The following FBXO31 variants were observed in gnomAD, a reference collection of about 807,000 sequenced individuals.
FBXO31 encodes the protein F-box only protein 31.
Under a neutral mutation model 54.4 loss-of-function variants are expected in FBXO31, and 24 were observed. The observed-to-expected ratio is 0.44, with a 90% CI of 0.32 to 0.62. The LOEUF is 0.62. FBXO31 is among the 20% of genes least tolerant of loss of function. The pLI, the probability that FBXO31 is intolerant of heterozygous loss-of-function variation, is 0.05. For synonymous variants in FBXO31, 388 were observed against 335.6 expected (o/e 1.16, Z -1.71); for missense variants, 665 against 787.1 (o/e 0.84, Z 1.86).
intron 2 of FBXO31, among the ~76,000 whole-genome samples, chr16:87,357,796 G>A (rs1003679064): frequency 2.0e-5 from 3 of 152,082 alleles, no homozygotes; most frequent in Non-Finnish European, 4.4e-5. Flanking sequence ...TGCTGGGCAT[G>A]GTGGTGTATG....
chr16:87,381,561 T>C (rs981620226), intron 1 of FBXO31, among the ~76,000 whole-genome samples: 5 of 152,214 alleles, frequency 3.3e-5, no homozygotes, highest in African/African-American at 1.2e-4. Context: ...ATCAGGGGCC[T>C]CGACCATTAA....
At chr16:87,348,700 C>T (rs1430532894) in intron 2 of FBXO31, among the ~76,000 whole-genome samples, 2 of 152,194 alleles carry the variant, frequency 1.3e-5, no homozygotes, top group African/African-American at 2.4e-5. Flanking sequence ...GGGCCCCTAA[C>T]GGTGGGACAG....
intron 7 of FBXO31, 135 bp from the exon 8 acceptor site, chr16:87,334,421 C>A: frequency 2.6e-6 from 2 of 761,494 alleles, no homozygotes; most frequent in Non-Finnish European, 4.1e-6. Flanking sequence ...ACGTCCCTTA[C>A]AGAAGAAGAA....
chr16:87,346,709 C>T lies in FBXO31; in HGVS notation c.489+465G>A, dbSNP rs1021026525. On this transcript the variant is annotated intron_variant, in intron 3 of 8. Transcript: ENST00000311635. This position sits in a 1 kb window ranked among gnomAD's most constrained non-coding sequence, Gnocchi z 4.2. ...TCAACAAAGTCAGAGCAGGGCTTTCCGTTCGAGAGGCTCCAGTAGGAGGGC... is the reference window on the plus strand; with the variant it reads ...TCAACAAAGTCAGAGCAGGGCTTTCTGTTCGAGAGGCTCCAGTAGGAGGGC... Among the ~76,000 whole-genome samples, 2 of 152,172 alleles carry T rather than the reference C, an allele frequency of 1.3e-5. No individual in the cohort carries two copies. Among genetic ancestry groups the T allele is most frequent in the African/African-American group, 4.8e-5 (2 of 41,444 alleles).
At chr16:87,372,318 A>C (rs1015345626) in intron 1 of FBXO31, among the ~76,000 whole-genome samples, 3 of 152,150 alleles carry the variant, frequency 2.0e-5, no homozygotes, top group Non-Finnish European at 2.9e-5. Context: ...ATGATATTCA[A>C]CTTGCAAAAA....
chr16:87,334,954 C>T (rs1044455610), intron 7 of FBXO31, among the ~76,000 whole-genome samples: 2 of 152,178 alleles, frequency 1.3e-5, no homozygotes, highest in African/African-American at 4.8e-5. Context: ...CTGGAGGGGC[C>T]CCTTTCCCAG....
intron 1 of FBXO31, among the ~76,000 whole-genome samples, chr16:87,362,227 G>A (rs1481603266): frequency 6.6e-6 from 1 of 151,868 alleles, no homozygotes. Context: ...AATTAAACAG[G>A]TAAAATTCAT....
intron 2 of FBXO31, among the ~76,000 whole-genome samples, chr16:87,354,188 A>G (rs922997758): frequency 2.0e-5 from 3 of 152,252 alleles, no homozygotes; most frequent in African/African-American, 7.2e-5. Flanking sequence ...AGTACAGAAC[A>G]TTGTCCAGGC....
rs186973160 is a variant in FBXO31, at chr16:87,346,742, G to A, written c.489+432C>T. 2.6e-5 allele frequency among the ~76,000 whole-genome samples: 4 copies of A among 152,352 alleles called. No individual in the cohort carries two copies. The highest frequency in any genetic ancestry group is 2.0e-4 in the Admixed American group (3 of 15,310). On this transcript the variant is annotated intron_variant, in intron 3 of 8. Coordinates refer to ENST00000311635, the MANE Select transcript of FBXO31 (RefSeq NM_024735.5). The surrounding 1 kb of genome is among the most constrained non-coding windows in gnomAD (Gnocchi z 4.2). ...AGGCTCCAGTAGGAGGGCACAGGGG[G>A]CGGGAGGCAGGGTGGTCAGAGCGGG... is the stretch of plus-strand genomic sequence containing the variant.
intron 1 of FBXO31, among the ~76,000 whole-genome samples, chr16:87,380,256 C>T (rs1329211094): frequency 6.8e-6 from 1 of 147,356 alleles, no homozygotes; most frequent in Non-Finnish European, 1.5e-5. Flanking sequence ...CAAGAATGCA[C>T]CACTGCACTC....
Position 87,383,526 on chromosome 16 carries a change from C to T in FBXO31, c.219G>A (p.Glu73=). ...PRCSLLELPP[E]LLVEIFASLP... The stretch of plus-strand genomic sequence containing the variant: ...GCGACGCGAAGATCTCCACCAGCAG[C>T]TCGGGCGGCAGCTCCAGCAGCGAGC... The change falls in exon 1 of 9, where the codon GAG becomes GAA. Residue 73 remains glutamate (E), a synonymous_variant. Transcript: ENST00000311635. This position sits in a 1 kb window ranked among gnomAD's most constrained non-coding sequence, Gnocchi z 4.9. The T allele has an allele frequency of 6.3e-7, 1 of 1,581,908 alleles. No homozygotes were observed. The highest frequency in any genetic ancestry group is 8.6e-7 in the Non-Finnish European group (1 of 1,168,578).
intron 8 of FBXO31, among the ~76,000 whole-genome samples, chr16:87,331,889 T>C (rs1904872983): frequency 6.6e-6 from 1 of 152,196 alleles, no homozygotes; most frequent in South Asian, 2.1e-4. Flanking sequence ...AAAACACACA[T>C]TTCATAAAGG....
intron 1 of FBXO31, among the ~76,000 whole-genome samples, chr16:87,362,273 T>C (rs1449673689): frequency 1.3e-5 from 2 of 152,218 alleles, no homozygotes; most frequent in African/African-American, 4.8e-5. Flanking sequence ...AACTAATTAT[T>C]ATCTTTTCAA....
chr16:87,353,254 TGTA>T, intron 2 of FBXO31, among the ~76,000 whole-genome samples: 1 of 152,212 alleles, frequency 6.6e-6, no homozygotes. Flanking sequence ...GAACCCGCCT[TGTA>T]CAAAGACCCT....
In FBXO31 at chr16:87,338,669, C is replaced by G. The variant is rs11647079; in HGVS notation, c.733-2405G>C. 0.3 allele frequency among the ~76,000 whole-genome samples: 45,882 copies of G among 151,992 alleles called. 7,606 individuals are homozygous for G. The highest frequency in any genetic ancestry group is 0.39 in the Non-Finnish European group (26,277 of 67,944). ...AGCCTGGGTACAAGGAATGGCCTCC[C>G]GGGGTGGGGGTGACCCACACAGAGA... On this transcript the variant is annotated intron_variant, in intron 5 of 8. Transcript: ENST00000311635. This position sits in a 1 kb window ranked among gnomAD's most constrained non-coding sequence, Gnocchi z 4.3.
chr16:87,331,887 C>T (rs1904872793), intron 8 of FBXO31, among the ~76,000 whole-genome samples: 1 of 152,232 alleles, frequency 6.6e-6, no homozygotes, highest in Non-Finnish European at 1.5e-5. Flanking sequence ...CCAAAACACA[C>T]ATTTCATAAA....
chr16:87,334,407 A>G, intron 7 of FBXO31, 121 bp from the exon 8 acceptor site: 1 of 861,672 alleles, frequency 1.2e-6, no homozygotes, highest in South Asian at 1.7e-5. Flanking sequence ...CTACTGACTT[A>G]GCAACGTCCC....
At position 87,331,400 on chromosome 16, in the gene FBXO31, A is replaced by C; in HGVS notation, c.1508T>G (p.Leu503Arg). The C allele has an allele frequency of 6.2e-7, 1 of 1,613,878 alleles. No individual in the cohort carries two copies. Among genetic ancestry groups the C allele is most frequent in the South Asian group, 1.1e-5 (1 of 91,074 alleles). The change falls in exon 9 of 9, where the codon CTG (leucine) becomes CGG (arginine). Residue 503 changes from leucine (L) to arginine (R), a missense_variant. This residue lies in a region of FBXO31 where 71 missense variants were observed against 105.8 expected (regional missense o/e 0.67). Coordinates refer to ENST00000311635, the MANE Select transcript of FBXO31 (RefSeq NM_024735.5). Reference protein sequence around the residue: ...EDRFGFVWLELKSFSLYSRVQ... With the variant: ...EDRFGFVWLERKSFSLYSRVQ... ...CCGGCTGTACAGGCTGAAGGATTTC[A>C]GCTCCAGCCAGACGAACCCGAAGCG...
intron 3 of FBXO31, 23 bp from the exon 4 acceptor site, chr16:87,343,788 G>A (rs1681591324): frequency 6.2e-7 from 1 of 1,613,298 alleles, no homozygotes; most frequent in Non-Finnish European, 8.5e-7. Context: ...ATGGGCAAAG[G>A]TCCATGAGTG....
Sources: gnomAD v4.1 joint callset for allele counts (sites outside exome capture counted in the v4.1 genomes callset) on GRCh38, gnomAD v4.1.1 for gene constraint, gnomAD v4.1.1 regional missense constraint, Gnocchi (gnomAD v3.1) non-coding constraint, MANE v1.5 for transcripts, NCBI Gene and HGNC (gene_info 2026-07-23, HGNC 2026-07-21) for gene names.